PHF14: variants seen among roughly 807,000 people sequenced by gnomAD.
The protein encoded by PHF14 is PHD finger protein 14.
In PHF14, 55 loss-of-function variants were observed where a neutral mutation model predicts 117.9. The ratio of observed to expected loss-of-function variants is 0.47; its 90% CI spans 0.38 to 0.58. The LOEUF (loss-of-function observed/expected upper bound fraction) is 0.58. PHF14 is among the 20% of genes least tolerant of loss of function. The pLI is 0.00. For synonymous variants in PHF14, 409 were observed against 368.6 expected, an observed-to-expected ratio of 1.11 and a Z score of -1.26; for missense variants, 978 against 1,122.2, an observed-to-expected ratio of 0.87 and a Z score of 1.84.
At chr7:11,111,625 T>C (rs987937691) in intron 17 of PHF14, among the ~76,000 whole-genome samples, 158 bp downstream of exon 17, 1 of 152,160 alleles carries the variant, frequency 6.6e-6, no homozygotes, top group African/African-American at 2.4e-5. Flanking sequence ...ATTTTCTTGC[T>C]CTTAAATTAA....
At chr7:11,086,352 A>C (rs1038478136) in intron 16 of PHF14, among the ~76,000 whole-genome samples, 1 of 152,136 alleles carries the variant, frequency 6.6e-6, no homozygotes, top group Non-Finnish European at 1.5e-5. Context: ...ACCTAAATTT[A>C]GATCATCGCA....
intron 14 of PHF14, among the ~76,000 whole-genome samples, chr7:11,060,676 A>G (rs1785192818): frequency 6.6e-6 from 1 of 152,224 alleles, no homozygotes; most frequent in African/African-American, 2.4e-5. Flanking sequence ...TTTGGAAGTC[A>G]GAATTGTAGA....
intron 16 of PHF14, among the ~76,000 whole-genome samples, chr7:11,066,081 G>GGT (rs1785415681): frequency 1.3e-5 from 2 of 152,058 alleles, no homozygotes; most frequent in South Asian, 4.1e-4. Flanking sequence ...TGATTACAAG[G>GGT]GTAGGGTGTC....
At chr7:11,114,435 T>G (rs1583476615) in intron 17 of PHF14, among the ~76,000 whole-genome samples, 1 of 148,340 alleles carries the variant, frequency 6.7e-6, no homozygotes, top group Admixed American at 6.6e-5. Flanking sequence ...TTTACCCCTG[T>G]CTATTACTTT....
intron 6 of PHF14, among the ~76,000 whole-genome samples, chr7:11,025,909 C>T (rs1017884543): frequency 2.6e-5 from 4 of 152,008 alleles, no homozygotes; most frequent in African/African-American, 9.7e-5. Flanking sequence ...GTCAGGAGTT[C>T]GAGACCAGCC....
intron 5 of PHF14, among the ~76,000 whole-genome samples, chr7:11,018,188 G>T (rs1246592797): frequency 1.3e-5 from 2 of 151,860 alleles, no homozygotes; most frequent in Non-Finnish European, 2.9e-5. Context: ...TTGAAGTCAG[G>T]TAGTATGATT....
chr7:10,978,814 A>T (rs1781957421), intron 2 of PHF14, among the ~76,000 whole-genome samples: 1 of 152,158 alleles, frequency 6.6e-6, no homozygotes, highest in Non-Finnish European at 1.5e-5. Flanking sequence ...TCTGGGGGAA[A>T]AAAATGTTCC....
chr7:11,163,547 C>G (rs1017712388), intron 17 of PHF14, among the ~76,000 whole-genome samples: 1 of 152,146 alleles, frequency 6.6e-6, no homozygotes, highest in Non-Finnish European at 1.5e-5. Context: ...TGTAGCATAT[C>G]ACACACATTT....
intron 17 of PHF14, among the ~76,000 whole-genome samples, chr7:11,151,603 C>A (rs1292597667): frequency 6.6e-6 from 1 of 152,176 alleles, no homozygotes; most frequent in East Asian, 1.9e-4. Context: ...TTGTTCTTAA[C>A]TGTAGCATTG....
At chr7:11,029,238 C>G (rs1469660531) in intron 7 of PHF14, among the ~76,000 whole-genome samples, 1 of 152,128 alleles carries the variant, frequency 6.6e-6, no homozygotes, top group Non-Finnish European at 1.5e-5. Context: ...TTTACTGTTA[C>G]TTTTAATTCC....
chr7:10,998,020 C>A (rs1782723725), intron 4 of PHF14, among the ~76,000 whole-genome samples: 1 of 151,990 alleles, frequency 6.6e-6, no homozygotes, highest in African/African-American at 2.4e-5. Flanking sequence ...GATTATATAG[C>A]ATGTTGTGTG....
chr7:11,145,786 G>A (rs1055612742), intron 17 of PHF14, among the ~76,000 whole-genome samples: 3 of 152,014 alleles, frequency 2.0e-5, no homozygotes, highest in Non-Finnish European at 2.9e-5. Flanking sequence ...TATTAAAACA[G>A]TAAATTAACA....
chr7:10,996,181 G>T (rs542462466), intron 4 of PHF14, among the ~76,000 whole-genome samples: 3 of 152,356 alleles, frequency 2.0e-5, no homozygotes, highest in Admixed American at 6.5e-5. Context: ...CAGACTGCTG[G>T]GTTGGGAGTA....
intron 4 of PHF14, among the ~76,000 whole-genome samples, chr7:10,998,822 C>CTCTA (rs1267236557): frequency 6.6e-6 from 1 of 152,162 alleles, no homozygotes; most frequent in Non-Finnish European, 1.5e-5. Flanking sequence ...AGGGCACTAT[C>CTCTA]TCTATTTTTC....
At chr7:11,110,526 A>T in intron 16 of PHF14, 3 of 981,690 alleles carry the variant, frequency 3.1e-6, no homozygotes, top group Non-Finnish European at 3.6e-6. Context: ...TGTCAGCAGG[A>T]TGAGATTGTC....
intron 11 of PHF14, 108 bp from the exon 12 acceptor site, chr7:11,040,564 C>A: frequency 2.3e-6 from 1 of 438,424 alleles, no homozygotes; most frequent in Non-Finnish European, 4.1e-6. Flanking sequence ...AGCAGATTTC[C>A]CCCTAACAAT....
rs193086029 is a variant in PHF14, at chr7:11,002,990, A to G, written c.1046-10757A>G. ...TGAGACGGAGTCTCGCTCTGTCACC[A>G]GGCTGGAGTGCAGTGGCATGATCTC... On this transcript the variant is annotated intron_variant, in intron 4 of 17. Coordinates refer to ENST00000634607, the MANE Select transcript of PHF14 (RefSeq NM_001007157.2). 4.8e-4 allele frequency among the ~76,000 whole-genome samples: 73 copies of G among 151,942 alleles called. 1 individual carries two copies. The East Asian group carries it at 0.014, about 28-fold the overall frequency.
intron 16 of PHF14, among the ~76,000 whole-genome samples, chr7:11,074,599 T>C (rs1785758778): frequency 6.6e-6 from 1 of 152,214 alleles, no homozygotes; most frequent in African/African-American, 2.4e-5. Flanking sequence ...ACTGCTTCAC[T>C]GCTTAGAAAT....
intron 14 of PHF14, 29 bp downstream of exon 14, chr7:11,051,809 T>G: frequency 6.3e-7 from 1 of 1,596,000 alleles, no homozygotes; most frequent in Non-Finnish European, 8.6e-7. Flanking sequence ...ATCATAAGCA[T>G]CATACAATTC....
Sources: allele counts gnomAD v4.1 joint callset (sites outside exome capture counted in the v4.1 genomes callset), GRCh38; gene constraint gnomAD v4.1.1; transcripts MANE v1.5; gene names NCBI Gene and HGNC (gene_info 2026-07-23, HGNC 2026-07-21).